The following ITFG1 variants were observed in gnomAD, a reference collection of about 807,000 sequenced individuals.
ITFG1 encodes T-cell immunomodulatory protein.
A neutral mutation model predicts 81.8 loss-of-function variants in ITFG1; 34 were observed. The ratio of observed to expected loss-of-function variants is 0.42; its 90% CI spans 0.32 to 0.55. The LOEUF (loss-of-function observed/expected upper bound fraction) is 0.55, where lower values mean the gene tolerates loss of function less well. Ranked by LOEUF, ITFG1 falls within the 20% of genes least tolerant of loss-of-function variation. The pLI is 0.17. For synonymous variants in ITFG1, 285 were observed against 270.6 expected, an observed-to-expected ratio of 1.05 and a Z score of -0.52; for missense variants, 672 against 755.4, an observed-to-expected ratio of 0.89 and a Z score of 1.29.
chr16:47,455,267 T>C (rs1470670570), intron 2 of ITFG1, among the ~76,000 whole-genome samples: 1 of 152,122 alleles, frequency 6.6e-6, no homozygotes, highest in Non-Finnish European at 1.5e-5. Flanking sequence ...ACCTGCCTTC[T>C]GAAGAAAACT....
chr16:47,365,556 T>A (rs1968165754), intron 8 of ITFG1: 1 of 417,720 alleles, frequency 2.4e-6, no homozygotes, highest in Admixed American at 3.9e-5. Context: ...ATATTACTTC[T>A]GCAAACAGTA....
At chr16:47,365,735 G>A in intron 8 of ITFG1, 53 bp downstream of exon 8, 1 of 1,020,628 alleles carries the variant, frequency 9.8e-7, no homozygotes, top group South Asian at 1.4e-5. Context: ...ACAGAAAGAA[G>A]GAGAGAATTG....
intron 8 of ITFG1, among the ~76,000 whole-genome samples, chr16:47,333,377 TG>T (rs2151574687): frequency 6.6e-6 from 1 of 152,282 alleles, no homozygotes; most frequent in Admixed American, 6.5e-5. Flanking sequence ...TTCCTGAAAC[TG>T]AAAAGTGTTT....
At chr16:47,394,815 A>C (rs1383238758) in intron 6 of ITFG1, among the ~76,000 whole-genome samples, 1 of 152,166 alleles carries the variant, frequency 6.6e-6, no homozygotes, top group Admixed American at 6.6e-5. Flanking sequence ...CTGAGTGCAA[A>C]GGGTGAAATG....
intron 14 of ITFG1, among the ~76,000 whole-genome samples, chr16:47,192,404 T>G (rs1965303435): frequency 6.6e-6 from 1 of 152,200 alleles, no homozygotes; most frequent in Admixed American, 6.5e-5. Context: ...AGACTCCTTA[T>G]TATTTATTGT....
chr16:47,442,796 C>A (rs1218542614), intron 5 of ITFG1, among the ~76,000 whole-genome samples: 1 of 152,156 alleles, frequency 6.6e-6, no homozygotes, highest in Non-Finnish European at 1.5e-5. Flanking sequence ...ACCATAAAAA[C>A]CCTAGAAGAA....
At chr16:47,348,070 T>G (rs184227371) in intron 8 of ITFG1, among the ~76,000 whole-genome samples, 2 of 151,914 alleles carry the variant, frequency 1.3e-5, no homozygotes, top group Non-Finnish European at 2.9e-5. Flanking sequence ...TACGTCACCA[T>G]CATCAAAGAC....
intron 6 of ITFG1, among the ~76,000 whole-genome samples, chr16:47,421,452 G>A (rs951807742): frequency 6.6e-5 from 10 of 151,822 alleles, no homozygotes; most frequent in Non-Finnish European, 1.2e-4. Context: ...CTACAGGCGC[G>A]TACCAACATG....
At chr16:47,367,114 A>G (rs1267631268) in intron 7 of ITFG1, among the ~76,000 whole-genome samples, 2 of 152,184 alleles carry the variant, frequency 1.3e-5, no homozygotes, top group Non-Finnish European at 2.9e-5. Flanking sequence ...ACTCTGGGAA[A>G]CATATTTACT....
At chr16:47,311,677 C>T (rs1304194907) in intron 9 of ITFG1, among the ~76,000 whole-genome samples, 1 of 152,070 alleles carries the variant, frequency 6.6e-6, no homozygotes, top group African/African-American at 2.4e-5. Context: ...CACAATACCA[C>T]ATGAATCTTA....
chr16:47,278,226 A>G (rs1238659602), intron 10 of ITFG1, among the ~76,000 whole-genome samples: 1 of 152,216 alleles, frequency 6.6e-6, no homozygotes, highest in Non-Finnish European at 1.5e-5. Context: ...TTTCATGTAA[A>G]TAGAACAGAC....
At position 47,179,762 on chromosome 16, in the gene ITFG1, T is replaced by C. The variant is rs565284421; in HGVS notation, c.1454-17098A>G. ...AATGTGGCTCCAGAAAGAAAGATCT[T>C]AAATTACCCTAAGTGAATAGTATAT... is the stretch of plus-strand genomic sequence containing the variant. On this transcript the variant is annotated intron_variant, in intron 14 of 17. Coordinates refer to ENST00000320640, the MANE Select transcript of ITFG1 (RefSeq NM_030790.5). Among the ~76,000 whole-genome samples, 87 of 152,326 alleles carry C rather than the reference T, an allele frequency of 5.7e-4. 1 individual carries two copies. The highest frequency in any genetic ancestry group is 9.8e-4 in the Non-Finnish European group (67 of 68,032).
intron 8 of ITFG1, among the ~76,000 whole-genome samples, chr16:47,356,291 G>T (rs1363642013): frequency 6.6e-6 from 1 of 152,166 alleles, no homozygotes; most frequent in Non-Finnish European, 1.5e-5. Context: ...CTATTTTTGA[G>T]CATTATGAAA....
chr16:47,290,920 G>GT (rs1429242114), intron 10 of ITFG1, among the ~76,000 whole-genome samples: 1 of 152,078 alleles, frequency 6.6e-6, no homozygotes, highest in Non-Finnish European at 1.5e-5. Context: ...TGGTTTCACA[G>GT]TTTTTTGCAG....
chr16:47,307,119 A>AAAC (rs1967180250), intron 10 of ITFG1, among the ~76,000 whole-genome samples: 2 of 148,598 alleles, frequency 1.3e-5, no homozygotes, highest in African/African-American at 4.9e-5. Flanking sequence ...AAAAAAAAAA[A>AAAC]AAAACGGAGA....
At chr16:47,290,694 T>C (rs1239407643) in intron 10 of ITFG1, among the ~76,000 whole-genome samples, 2 of 152,206 alleles carry the variant, frequency 1.3e-5, no homozygotes, top group African/African-American at 2.4e-5. Context: ...TATATGTGTA[T>C]TTACAGGTAA....
intron 10 of ITFG1, among the ~76,000 whole-genome samples, chr16:47,263,956 T>G (rs749200070): frequency 7.2e-5 from 11 of 152,210 alleles, no homozygotes; most frequent in Non-Finnish European, 1.6e-4. Flanking sequence ...AAAATTTGAT[T>G]TAAGCCAAAG....
intron 13 of ITFG1, among the ~76,000 whole-genome samples, chr16:47,236,474 CAAAAAAAAAAAA>C (rs68028486): frequency 2.1e-4 from 11 of 52,282 alleles, no homozygotes; most frequent in Admixed American, 4.0e-4. Context: ...GACTCCATCT[CAAAAAAAAAAAA>C]AAAAAAAAAA....
rs1037155937 is a variant in ITFG1, at chr16:47,373,211, C to A, written c.720+2665G>T. 2.0e-5 allele frequency among the ~76,000 whole-genome samples: 3 copies of A among 152,148 alleles called. No homozygotes were observed. In the South Asian group the frequency reaches 6.2e-4, roughly 32 times the overall value. ...GTCTCCTGTGCAATTCCTTGCCTGC[C>A]TTTTCCTCTTTCTTTCTCACTTCCA... On this transcript the variant is annotated intron_variant, in intron 7 of 17. Transcript: ENST00000320640.
Sources: allele counts gnomAD v4.1 joint callset (sites outside exome capture counted in the v4.1 genomes callset), GRCh38; gene constraint gnomAD v4.1.1; transcripts MANE v1.5; gene names NCBI Gene and HGNC (gene_info 2026-07-23, HGNC 2026-07-21).